Variants in PHTF2 observed in about 807,000 individuals in gnomAD.
PHTF2 encodes the protein putative homeodomain transcription factor 2.
PHTF2 carries 60 observed loss-of-function variants against 101.2 expected under a neutral mutation model. The observed-to-expected ratio is 0.59, with a 90% CI of 0.48 to 0.73. The LOEUF is 0.73. PHTF2 is among the 30% of genes least tolerant of loss of function. PHTF2 has a pLI of 0.00. For missense variants in PHTF2, 747 were observed against 908.7 expected, an observed-to-expected ratio of 0.82 and a Z score of 2.29; for synonymous variants, 311 against 307.3, an observed-to-expected ratio of 1.01 and a Z score of -0.13.
intron 3 of PHTF2, among the ~76,000 whole-genome samples, chr7:77,867,811 A>G (rs1247043654): frequency 6.6e-6 from 1 of 152,198 alleles, no homozygotes; most frequent in Non-Finnish European, 1.5e-5. Flanking sequence ...TAATAAAGTA[A>G]ATACTTAATC....
chr7:77,929,342 T>C lies in PHTF2; in HGVS notation c.1338+15T>C, dbSNP rs1467072394. 1 of 1,392,742 alleles carries C rather than the reference T, an allele frequency of 7.2e-7. No individual in the cohort carries two copies. Among genetic ancestry groups the C allele is most frequent in the African/African-American group, 1.4e-5 (1 of 70,722 alleles). The allele number at this position is 1,392,742 out of a possible 1,614,324, so 86.3% of individuals were successfully genotyped here. A position where few individuals can be genotyped will look rare whatever the true frequency, so the allele number is the denominator to read the frequency against. On this transcript the variant is annotated intron_variant, in intron 12 of 19. Coordinates refer to ENST00000416283, the Ensembl canonical transcript of PHTF2. ...CTTTTCATCAGGTTGGTTTATGGTTTTGGCTTATGTGGAGCTATGAGTCAA... is the reference window on the plus strand; with the variant it reads ...CTTTTCATCAGGTTGGTTTATGGTTCTGGCTTATGTGGAGCTATGAGTCAA...
chr7:77,913,614 C>T (rs187015317), intron 9 of PHTF2, among the ~76,000 whole-genome samples: 8 of 152,164 alleles, frequency 5.3e-5, no homozygotes, highest in Admixed American at 2.0e-4. Flanking sequence ...GACAATATCA[C>T]TGAAAAACAG....
chr7:77,874,687 C>T (rs1483386285), intron 3 of PHTF2, among the ~76,000 whole-genome samples: 1 of 152,218 alleles, frequency 6.6e-6, no homozygotes, highest in African/African-American at 2.4e-5. Flanking sequence ...TTTCCCAGCC[C>T]ACTGACTCAA....
At chr7:77,841,236 T>G (rs571046292) in intron 2 of PHTF2, among the ~76,000 whole-genome samples, 8 of 151,564 alleles carry the variant, frequency 5.3e-5, no homozygotes, top group Admixed American at 3.9e-4. Flanking sequence ...TATGCTACCA[T>G]GCCTGGCTAA....
chr7:77,807,585 A>C (rs1392371579), intron 1 of PHTF2, among the ~76,000 whole-genome samples: 1 of 152,168 alleles, frequency 6.6e-6, no homozygotes. Flanking sequence ...AGTCATCTAT[A>C]TATTCTGAAT....
At chr7:77,840,994 T>G (rs536324799) in intron 2 of PHTF2, among the ~76,000 whole-genome samples, 1 of 152,090 alleles carries the variant, frequency 6.6e-6, no homozygotes, top group Admixed American at 6.6e-5. Context: ...TTAAAACATT[T>G]TTATACCTTA....
At chr7:77,816,096 CAA>C (rs1793833811) in intron 1 of PHTF2, among the ~76,000 whole-genome samples, 1 of 151,350 alleles carries the variant, frequency 6.6e-6, no homozygotes, top group Non-Finnish European at 1.5e-5. Context: ...TTCTTTGAGA[CAA>C]GAGTCATGAT....
intron 15 of PHTF2, among the ~76,000 whole-genome samples, chr7:77,941,239 C>T (rs1218957037): frequency 6.6e-6 from 1 of 152,048 alleles, no homozygotes; most frequent in Non-Finnish European, 1.5e-5. Flanking sequence ...AAATAATAAT[C>T]AAAGAAGCCC....
chr7:77,810,048 G>A (rs955845854), intron 1 of PHTF2, among the ~76,000 whole-genome samples: 52 of 152,100 alleles, frequency 3.4e-4, no homozygotes, highest in African/African-American at 1.2e-3. Context: ...TATCATTTAT[G>A]TTCTTTTTAT....
intron 3 of PHTF2, among the ~76,000 whole-genome samples, chr7:77,861,570 T>G (rs920025549): frequency 2.0e-5 from 3 of 152,214 alleles, no homozygotes; most frequent in African/African-American, 4.8e-5. Flanking sequence ...GATCTGTCCT[T>G]TATTGTGAGT....
At chr7:77,922,532 A>G (rs904697118) in intron 10 of PHTF2, 91 bp from the exon 10 acceptor site, 11 of 944,316 alleles carry the variant, frequency 1.2e-5, no homozygotes, top group Admixed American at 2.8e-5. Context: ...TTGTGTGTAT[A>G]TATGTATGTG....
chr7:77,872,992 C>T (rs746491785), intron 3 of PHTF2, among the ~76,000 whole-genome samples: 1 of 152,032 alleles, frequency 6.6e-6, no homozygotes, highest in Non-Finnish European at 1.5e-5. Context: ...TGCAGTGGCA[C>T]GATCTCAGCT....
rs576975136 is a variant in PHTF2, at chr7:77,846,428, T to A, written c.45+6128T>A. 5.0e-4 allele frequency among the ~76,000 whole-genome samples: 76 copies of A among 152,340 alleles called. 3 individuals are homozygous for A. In the South Asian group the frequency reaches 0.016, roughly 32 times the overall value. On this transcript the variant is annotated intron_variant, in intron 2 of 19. Transcript: ENST00000416283. ...TGTGATGCTTATTATGTGCCACTTT[T>A]TCAATGCTTTACATATATTAAATAA...
At chr7:77,805,059 TTG>T (rs2150467327) in intron 1 of PHTF2, among the ~76,000 whole-genome samples, 1 of 152,318 alleles carries the variant, frequency 6.6e-6, no homozygotes, top group African/African-American at 2.4e-5. Flanking sequence ...TAGTTTTTCT[TTG>T]TGGGGAGGAT....
intron 10 of PHTF2, 146 bp from the exon 10 acceptor site, chr7:77,922,477 G>T (rs1426839495): frequency 3.9e-6 from 2 of 507,362 alleles, no homozygotes; most frequent in African/African-American, 1.9e-5. Context: ...AGAAAATCAG[G>T]TAATACTAAT....
intron 19 of PHTF2, among the ~76,000 whole-genome samples, chr7:77,954,200 C>A (rs1407005419): frequency 6.6e-6 from 1 of 152,024 alleles, no homozygotes; most frequent in Non-Finnish European, 1.5e-5. Flanking sequence ...GTTGCGCGAC[C>A]TTGGCTCACT....
intron 5 of PHTF2, among the ~76,000 whole-genome samples, chr7:77,897,858 T>G (rs748924295): frequency 3.9e-5 from 6 of 152,182 alleles, no homozygotes; most frequent in Non-Finnish European, 8.8e-5. Flanking sequence ...TTTTTGTATT[T>G]TTAATAGAGA....
chr7:77,864,007 T>G (rs1326846679), intron 3 of PHTF2, among the ~76,000 whole-genome samples: 1 of 152,158 alleles, frequency 6.6e-6, no homozygotes, highest in African/African-American at 2.4e-5. Context: ...CTCAAACTCC[T>G]GAGCTCAAGT....
At chr7:77,914,998 G>A (rs551596501) in intron 9 of PHTF2, among the ~76,000 whole-genome samples, 2 of 151,898 alleles carry the variant, frequency 1.3e-5, no homozygotes, top group East Asian at 3.9e-4. Context: ...TGCAACCTCC[G>A]CCTCCCGGGT....
Sources: gnomAD v4.1 joint callset for allele counts (sites outside exome capture counted in the v4.1 genomes callset) on GRCh38, gnomAD v4.1.1 for gene constraint, MANE v1.5 for transcripts, NCBI Gene and HGNC (gene_info 2026-07-23, HGNC 2026-07-21) for gene names.